Variants in ROBO2 observed in about 807,000 individuals in gnomAD.
ROBO2 encodes the protein roundabout guidance receptor 2.
A neutral mutation model predicts 160.8 loss-of-function variants in ROBO2; 53 were observed. That is an observed-to-expected ratio of 0.33 (90% confidence interval 0.26 to 0.41). The LOEUF (loss-of-function observed/expected upper bound fraction) is 0.41. Among genes scored for constraint, ROBO2 ranks in the 10% least tolerant of loss-of-function variants. The pLI is 1.00. For synonymous variants in ROBO2, 664 were observed against 611.7 expected, an observed-to-expected ratio of 1.09 and a Z score of -1.26; for missense variants, 1,577 against 1,722.4, an observed-to-expected ratio of 0.92 and a Z score of 1.49.
At chr3:76,147,803 C>A (rs2071976236) in intron 2 of ROBO2, among the ~76,000 whole-genome samples, 1 of 151,964 alleles carries the variant, frequency 6.6e-6, no homozygotes, top group South Asian at 2.1e-4. Flanking sequence ...GGGATGAAAT[C>A]ATCATGATAT....
At chr3:76,379,134 T>C (rs2108537187) in intron 2 of ROBO2, among the ~76,000 whole-genome samples, 1 of 152,218 alleles carries the variant, frequency 6.6e-6, no homozygotes, top group Non-Finnish European at 1.5e-5. Context: ...GTTTTAGTAA[T>C]ACATCAAAGA....
At chr3:77,298,957 A>C (rs2062400913) in intron 2 of ROBO2, among the ~76,000 whole-genome samples, 1 of 152,176 alleles carries the variant, frequency 6.6e-6, no homozygotes, top group African/African-American at 2.4e-5. Flanking sequence ...ATTTCAGAAG[A>C]TAGAGGGGCT....
At chr3:76,408,303 T>C (rs748729507) in intron 2 of ROBO2, among the ~76,000 whole-genome samples, 21 of 152,202 alleles carry the variant, frequency 1.4e-4, no homozygotes, top group Non-Finnish European at 2.4e-4. Flanking sequence ...GAGGCAGTTA[T>C]GGTTTTTTGC....
intron 2 of ROBO2, among the ~76,000 whole-genome samples, chr3:76,811,894 G>C (rs1033980624): frequency 8.7e-6 from 1 of 114,864 alleles, no homozygotes; most frequent in Admixed American, 1.1e-4. Flanking sequence ...TTTTTGAGAT[G>C]GGGTCTCATT....
chr3:76,452,174 T>A (rs934915369), intron 2 of ROBO2, among the ~76,000 whole-genome samples: 3 of 152,024 alleles, frequency 2.0e-5, no homozygotes, highest in African/African-American at 7.2e-5. Context: ...CCAACTTATT[T>A]TTTTATTTTA....
At chr3:75,925,291 G>T (rs1947246600) in intron 1 of ROBO2, among the ~76,000 whole-genome samples, 1 of 152,000 alleles carries the variant, frequency 6.6e-6, no homozygotes, top group Non-Finnish European at 1.5e-5. Flanking sequence ...TACTCCGGAG[G>T]CTGCGGTGAA....
intron 2 of ROBO2, among the ~76,000 whole-genome samples, chr3:77,448,776 A>T (rs1293187698): frequency 1.3e-5 from 2 of 151,896 alleles, no homozygotes; most frequent in Non-Finnish European, 2.9e-5. Flanking sequence ...TGTAAGAGTC[A>T]CCTCCAGTCT....
At chr3:76,294,000 A>T (rs1033020569) in intron 2 of ROBO2, among the ~76,000 whole-genome samples, 18 of 151,998 alleles carry the variant, frequency 1.2e-4, no homozygotes, top group African/African-American at 3.9e-4. Flanking sequence ...CCTGTCTCCG[A>T]TGTTCATCGG....
intron 2 of ROBO2, among the ~76,000 whole-genome samples, chr3:76,082,410 A>G (rs931250868): frequency 2.0e-5 from 3 of 152,118 alleles, no homozygotes; most frequent in Non-Finnish European, 4.4e-5. Flanking sequence ...TGATGAGAGT[A>G]TAGGATGTGG....
intron 2 of ROBO2, among the ~76,000 whole-genome samples, chr3:76,759,070 A>G (rs553426555): frequency 5.3e-5 from 8 of 150,172 alleles, no homozygotes; most frequent in Admixed American, 1.3e-4. Context: ...TTGCAGCTTG[A>G]AAATATATTT....
intron 2 of ROBO2, among the ~76,000 whole-genome samples, chr3:77,266,382 C>T (rs1055703115): frequency 2.7e-4 from 41 of 152,002 alleles, no homozygotes; most frequent in Admixed American, 1.1e-3. Flanking sequence ...TTTCCTTGTC[C>T]GTATTATTTT....
At position 77,118,555 on chromosome 3, in the gene ROBO2, C is replaced by T. The variant is rs765447036; in HGVS notation, c.388+20215C>T. Among the ~76,000 whole-genome samples the T allele has an allele frequency of 1.1e-4, 17 of 152,290 alleles. 1 individual carries two copies. The highest frequency in any genetic ancestry group is 6.2e-4 in the South Asian group (3 of 4,814). ...ATTTTAAAATTGGAGATGCTCCCTACGTGCACTCTATTTCGCTTGATGCCC... is the reference window on the plus strand; with the variant it reads ...ATTTTAAAATTGGAGATGCTCCCTATGTGCACTCTATTTCGCTTGATGCCC... On this transcript the variant is annotated intron_variant, in intron 2 of 25. Coordinates refer to ENST00000461745, the Ensembl canonical transcript of ROBO2.
At chr3:77,636,073 C>A (rs1023498161) in intron 24 of ROBO2, among the ~76,000 whole-genome samples, 1 of 152,032 alleles carries the variant, frequency 6.6e-6, no homozygotes, top group Non-Finnish European at 1.5e-5. Context: ...AGGACTCCAC[C>A]CTCATCATCG....
intron 2 of ROBO2, among the ~76,000 whole-genome samples, chr3:76,101,599 C>G (rs1280940308): frequency 6.6e-6 from 1 of 151,934 alleles, no homozygotes; most frequent in Non-Finnish European, 1.5e-5. Flanking sequence ...GCACAATGTG[C>G]AGGTTTGTCA....
chr3:76,567,805 ATAT>A (rs2084687713), intron 2 of ROBO2, among the ~76,000 whole-genome samples: 2 of 82,240 alleles, frequency 2.4e-5, no homozygotes, highest in South Asian at 9.9e-4. Context: ...GTGTATATAT[ATAT>A]TTTTTTTTTT....
chr3:77,280,747 T>A (rs2060190346), intron 2 of ROBO2, among the ~76,000 whole-genome samples: 1 of 152,228 alleles, frequency 6.6e-6, no homozygotes, highest in Non-Finnish European at 1.5e-5. Context: ...ATCTGATGTT[T>A]AACTTTGCCT....
intron 2 of ROBO2, among the ~76,000 whole-genome samples, chr3:76,799,172 C>T (rs997203774): frequency 6.6e-6 from 1 of 151,892 alleles, no homozygotes; most frequent in South Asian, 2.1e-4. Flanking sequence ...CGAGATGGCG[C>T]CACTGCACTC....
intron 2 of ROBO2, among the ~76,000 whole-genome samples, chr3:77,428,922 G>T (rs1173896708): frequency 6.6e-6 from 1 of 152,036 alleles, no homozygotes. Context: ...TAGAGTTTGA[G>T]TTTTTAAAAA....
At chr3:76,558,666 T>C (rs2083963300) in intron 2 of ROBO2, among the ~76,000 whole-genome samples, 1 of 152,136 alleles carries the variant, frequency 6.6e-6, no homozygotes, top group South Asian at 2.1e-4. Flanking sequence ...TTTTTCCCAA[T>C]TGCATTAGGG....
Sources: allele counts gnomAD v4.1 joint callset (sites outside exome capture counted in the v4.1 genomes callset), GRCh38; gene constraint gnomAD v4.1.1; transcripts MANE v1.5; gene names NCBI Gene and HGNC (gene_info 2026-07-23, HGNC 2026-07-21).